SH3D19: variants seen among roughly 807,000 people sequenced by gnomAD.
The protein encoded by SH3D19 is SH3 domain containing 19.
SH3D19 carries 58 observed loss-of-function variants against 112.1 expected under a neutral mutation model. The observed-to-expected ratio is 0.52, with a 90% CI of 0.42 to 0.64. The LOEUF is 0.64. SH3D19 is among the 30% of genes least tolerant of loss of function. The pLI, the probability that SH3D19 is intolerant of heterozygous loss-of-function variation, is 0.00. For synonymous variants in SH3D19, 391 were observed against 448.5 expected (o/e 0.87, Z 1.62); for missense variants, 1,090 against 1,263.4 (o/e 0.86, Z 2.08).
Position 151,133,107 on chromosome 4 carries a change from G to A in SH3D19, c.2616C>T (p.Gly872=). Residue 872 remains glycine (G), a synonymous_variant, in exon 16 of 20, where the codon GGC becomes GGT. Transcript: ENST00000604030. ...NEEWARGEVR[G]RTGIFPLNFV... The stretch of plus-strand genomic sequence containing the variant: ...AGTTCAGGGGGAAAATCCCAGTTCT[G>A]CCTCGAACTTCTCCTCTGGCCCATT... 6.2e-7 allele frequency: 1 copy of A among 1,614,076 alleles called. No individual in the cohort carries two copies. Among genetic ancestry groups the A allele is most frequent in the Non-Finnish European group, 8.5e-7 (1 of 1,179,984 alleles).
intron 1 of SH3D19, among the ~76,000 whole-genome samples, chr4:151,255,789 C>G (rs1771849894): frequency 6.6e-6 from 1 of 152,250 alleles, no homozygotes; most frequent in South Asian, 2.1e-4. Context: ...CCTCGGGAGG[C>G]CGAGGCTGGC....
rs565789322 is a variant in SH3D19 at position 151,288,393 on chromosome 4, A to C, written c.112+36848T>G. Among the ~76,000 whole-genome samples the C allele has an allele frequency of 4.6e-5, 7 of 152,324 alleles. No homozygotes were observed. In the South Asian group the frequency reaches 1.0e-3, roughly 23 times the overall value. On this transcript the variant is annotated intron_variant, in intron 1 of 19. Coordinates refer to ENST00000604030, the MANE Select transcript of SH3D19 (RefSeq NM_001378122.1). ...GAAAATCTAAAGGAATGCCACCCCC[A>C]AAAAATTAGAACTAATAAACACATT...
At chr4:151,243,431 G>A (rs1770702202) in intron 1 of SH3D19, among the ~76,000 whole-genome samples, 1 of 152,228 alleles carries the variant, frequency 6.6e-6, no homozygotes, top group Non-Finnish European at 1.5e-5. Flanking sequence ...AATTGTATAA[G>A]TTGTTGGCAT....
intron 19 of SH3D19, among the ~76,000 whole-genome samples, chr4:151,125,423 G>A (rs764736736): frequency 6.1e-5 from 9 of 146,894 alleles, no homozygotes; most frequent in Non-Finnish European, 1.2e-4. Flanking sequence ...CTGAGATTGT[G>A]TCACTGCACC....
intron 1 of SH3D19, among the ~76,000 whole-genome samples, chr4:151,255,840 C>T (rs1015018647): frequency 6.6e-6 from 1 of 152,266 alleles, no homozygotes; most frequent in East Asian, 1.9e-4. Flanking sequence ...GCCTGGCCAA[C>T]ACAGCGAAAC....
chr4:151,300,201 CA>C (rs200935802), intron 1 of SH3D19, among the ~76,000 whole-genome samples: 90 of 144,288 alleles, frequency 6.2e-4, no homozygotes, highest in Admixed American at 9.6e-4. Flanking sequence ...AACTCTATCT[CA>C]AAAAAAAAAA....
intron 2 of SH3D19, among the ~76,000 whole-genome samples, chr4:151,198,332 TAAA>T (rs372316648): frequency 6.5e-5 from 9 of 138,658 alleles, no homozygotes; most frequent in Non-Finnish European, 1.1e-4. Flanking sequence ...ATATATAATA[TAAA>T]AATATATATT....
At chr4:151,314,850 G>C (rs1333452341) in intron 1 of SH3D19, among the ~76,000 whole-genome samples, 1 of 152,200 alleles carries the variant, frequency 6.6e-6, no homozygotes, top group African/African-American at 2.4e-5. Flanking sequence ...TCATGGCCCA[G>C]GGTGGCTACT....
At chr4:151,201,209 A>G (rs1387582825) in intron 2 of SH3D19, among the ~76,000 whole-genome samples, 1 of 152,232 alleles carries the variant, frequency 6.6e-6, no homozygotes, top group Non-Finnish European at 1.5e-5. Flanking sequence ...CACTTTCTGG[A>G]AACAGCAGGC....
intron 2 of SH3D19, among the ~76,000 whole-genome samples, chr4:151,196,996 T>C (rs1452776861): frequency 1.3e-5 from 2 of 152,138 alleles, no homozygotes; most frequent in African/African-American, 2.4e-5. Context: ...AAAATATTAA[T>C]AGATGTTGGT....
chr4:151,290,984 A>G lies in SH3D19; in HGVS notation c.112+34257T>C, dbSNP rs1197788527. 6 of 607,012 alleles carry G rather than the reference A, an allele frequency of 9.9e-6. No individual in the cohort carries two copies. In the Admixed American group the frequency reaches 1.2e-4, roughly 12 times the overall value. The allele number at this position is 607,012 out of a possible 1,614,324, so 37.6% of individuals were successfully genotyped here. On this transcript the variant is annotated intron_variant, in intron 1 of 19. Transcript: ENST00000604030. ...GTGATATCTCCCTAAAGCAGTGATT[A>G]GTCCAGCCCCCTGCAGGGTTCCACA...
At chr4:151,308,210 A>C (rs930743289) in intron 1 of SH3D19, among the ~76,000 whole-genome samples, 21 of 152,252 alleles carry the variant, frequency 1.4e-4, no homozygotes, top group African/African-American at 4.6e-4. Flanking sequence ...CCAGCCTAAA[A>C]CATCTTTTAA....
intron 1 of SH3D19, among the ~76,000 whole-genome samples, chr4:151,244,926 G>A (rs1001978648): frequency 3.3e-4 from 50 of 152,146 alleles, no homozygotes; most frequent in East Asian, 1.9e-4. Flanking sequence ...GGCAGATCAC[G>A]AGGTCAGGAG....
In SH3D19 at chr4:151,258,196, C is replaced by T. The variant is rs570044346; in HGVS notation, c.113-32110G>A. 8.5e-5 allele frequency among the ~76,000 whole-genome samples: 13 copies of T among 152,354 alleles called. No individual in the cohort carries two copies. In the South Asian group the frequency reaches 2.5e-3, roughly 29 times the overall value. The stretch of plus-strand genomic sequence containing the variant: ...CACATTTAACACAATATCCTTAACA[C>T]AACGCAGACCTAATACATATTTGCT... On this transcript the variant is annotated intron_variant, in intron 1 of 19. Transcript: ENST00000604030.
intron 17 of SH3D19, among the ~76,000 whole-genome samples, 158 bp downstream of exon 17, chr4:151,132,173 A>C (rs1410382916): frequency 6.6e-6 from 1 of 152,218 alleles, no homozygotes; most frequent in Non-Finnish European, 1.5e-5. Flanking sequence ...TGAGCTCTCT[A>C]TATAAAATAT....
At chr4:151,254,481 T>C (rs1343079084) in intron 1 of SH3D19, among the ~76,000 whole-genome samples, 2 of 146,408 alleles carry the variant, frequency 1.4e-5, no homozygotes, top group African/African-American at 2.5e-5. Flanking sequence ...TTCCGCAGTG[T>C]TTGTGTCCCT....
chr4:151,186,932 C>A, intron 3 of SH3D19, among the ~76,000 whole-genome samples: 1 of 149,404 alleles, frequency 6.7e-6, no homozygotes, highest in Admixed American at 6.7e-5. Context: ...GTAGCTGGGA[C>A]TACAGGTGCC....
chr4:151,200,272 C>T lies in SH3D19; in HGVS notation c.153-12809G>A, dbSNP rs189669382. On this transcript the variant is annotated intron_variant, in intron 2 of 19. Coordinates refer to ENST00000604030, the MANE Select transcript of SH3D19 (RefSeq NM_001378122.1). The stretch of plus-strand genomic sequence containing the variant: ...CATACACATACACACACACCCCACA[C>T]ACATATTTGTATAATTACATTTATA... 2.3e-3 allele frequency among the ~76,000 whole-genome samples: 349 copies of T among 152,252 alleles called. 2 individuals are homozygous for T. Among genetic ancestry groups the T allele is most frequent in the African/African-American group, 7.1e-3 (294 of 41,544 alleles).
chr4:151,291,478 C>CTGGG lies in SH3D19; in HGVS notation c.112+33759_112+33762dup, dbSNP rs746361285. On this transcript the variant is annotated intron_variant, in intron 1 of 19. Transcript: ENST00000604030. ...ACTCACAGGAGAGCCACTGCTAACC[C>CTGGG]TGGGTGACTTTATTTACAATTTGAA... The CTGGG allele has an allele frequency of 1.9e-4, 269 of 1,444,926 alleles. 1 individual carries two copies. In the African/African-American group the frequency reaches 3.4e-3, roughly 18 times the overall value. The allele number at this position is 1,444,926 out of a possible 1,614,324, so 89.5% of individuals were successfully genotyped here. A position where few individuals can be genotyped will look rare whatever the true frequency, so the allele number is the denominator to read the frequency against.
Sources: gnomAD v4.1 joint callset for allele counts (sites outside exome capture counted in the v4.1 genomes callset) on GRCh38, gnomAD v4.1.1 for gene constraint, MANE v1.5 for transcripts, NCBI Gene and HGNC (gene_info 2026-07-23, HGNC 2026-07-21) for gene names.